SNTG1: variants seen among roughly 807,000 people sequenced by gnomAD.
SNTG1 encodes the protein gamma-1-syntrophin.
In SNTG1, 39 loss-of-function variants were observed where a neutral mutation model predicts 74.7. That is an observed-to-expected ratio of 0.52 (90% CI 0.40 to 0.68). The LOEUF (loss-of-function observed/expected upper bound fraction) is 0.68, where lower values mean the gene tolerates loss of function less well. SNTG1 is among the 30% of genes least tolerant of loss of function. SNTG1 has a pLI of 0.00. For synonymous variants in SNTG1, 254 were observed against 217.1 expected, an observed-to-expected ratio of 1.17 and a Z score of -1.49; for missense variants, 685 against 609.5, an observed-to-expected ratio of 1.12 and a Z score of -1.30.
At chr8:50,209,556 G>C (rs7817638) in intron 2 of SNTG1, among the ~76,000 whole-genome samples, 2 of 151,994 alleles carry the variant, frequency 1.3e-5, no homozygotes, top group Non-Finnish European at 2.9e-5. Context: ...AACATTTGCC[G>C]TTCTGCAAGA....
chr8:50,415,738 A>G (rs1009411832), intron 4 of SNTG1, among the ~76,000 whole-genome samples: 2 of 152,148 alleles, frequency 1.3e-5, no homozygotes, highest in Non-Finnish European at 2.9e-5. Flanking sequence ...TTTACTACAT[A>G]TGTGGAAACG....
intron 2 of SNTG1, among the ~76,000 whole-genome samples, chr8:50,219,217 T>A (rs1259340367): frequency 6.6e-6 from 1 of 152,176 alleles, no homozygotes; most frequent in Non-Finnish European, 1.5e-5. Flanking sequence ...CTACTTCTAA[T>A]GCCAAAAGAC....
chr8:50,007,907 GCACCTA>G (rs1303797183), intron 1 of SNTG1, among the ~76,000 whole-genome samples: 1 of 152,150 alleles, frequency 6.6e-6, no homozygotes, highest in East Asian at 1.9e-4. Context: ...GGAGAAGTAA[GCACCTA>G]CTTCACAAGG....
chr8:50,777,660 G>T (rs1188370346), intron 18 of SNTG1, among the ~76,000 whole-genome samples: 1 of 151,038 alleles, frequency 6.6e-6, no homozygotes, highest in Non-Finnish European at 1.5e-5. Flanking sequence ...CATTCAGTGT[G>T]AGTTTTCTTT....
intron 2 of SNTG1, among the ~76,000 whole-genome samples, chr8:50,365,771 C>T (rs539448092): frequency 6.6e-6 from 1 of 152,152 alleles, no homozygotes; most frequent in South Asian, 2.1e-4. Context: ...ACTCTTATAA[C>T]CACAAATTAC....
At chr8:50,139,568 A>G (rs1353152572) in intron 1 of SNTG1, among the ~76,000 whole-genome samples, 7 of 152,216 alleles carry the variant, frequency 4.6e-5, no homozygotes, top group Non-Finnish European at 8.8e-5. Context: ...AATAACTCCA[A>G]CTATTTTATT....
At chr8:49,959,500 A>G (rs1810490026) in intron 1 of SNTG1, among the ~76,000 whole-genome samples, 1 of 152,208 alleles carries the variant, frequency 6.6e-6, no homozygotes, top group South Asian at 2.1e-4. Flanking sequence ...CTGTCTGTAT[A>G]GATTTGCCTA....
intron 17 of SNTG1, among the ~76,000 whole-genome samples, chr8:50,711,620 G>A (rs922232526): frequency 1.3e-5 from 2 of 152,160 alleles, no homozygotes; most frequent in African/African-American, 4.8e-5. Flanking sequence ...TTTGGATATA[G>A]AGGGATGTCT....
chr8:50,616,834 T>C (rs528719525), intron 13 of SNTG1, among the ~76,000 whole-genome samples: 6 of 152,316 alleles, frequency 3.9e-5, no homozygotes, highest in Admixed American at 3.3e-4. Flanking sequence ...TACCCTGCCT[T>C]CTGCATATCA....
chr8:50,711,905 G>A (rs1292020292), intron 17 of SNTG1, among the ~76,000 whole-genome samples: 1 of 151,760 alleles, frequency 6.6e-6, no homozygotes, highest in Non-Finnish European at 1.5e-5. Flanking sequence ...GTTAGAGAAG[G>A]GTATTATTAT....
intron 1 of SNTG1, among the ~76,000 whole-genome samples, chr8:50,122,345 C>T (rs10110244): frequency 0.011 from 1,515 of 141,736 alleles, 197 homozygotes; most frequent in African/African-American, 0.037. Context: ...AGAGGGGATG[C>T]AGCTGGGAGA....
chr8:50,782,200 G>C (rs1368546163), intron 18 of SNTG1, among the ~76,000 whole-genome samples: 1 of 152,020 alleles, frequency 6.6e-6, no homozygotes, highest in Non-Finnish European at 1.5e-5. Context: ...TGCTCTTCTC[G>C]AGAAGTATCT....
At chr8:50,485,917 T>C (rs1208995008) in intron 8 of SNTG1, among the ~76,000 whole-genome samples, 1 of 151,132 alleles carries the variant, frequency 6.6e-6, no homozygotes, top group Non-Finnish European at 1.5e-5. Flanking sequence ...GCACCATTTA[T>C]TAAATAGGGA....
intron 1 of SNTG1, among the ~76,000 whole-genome samples, chr8:49,977,902 T>C (rs1369977816): frequency 6.6e-6 from 1 of 152,216 alleles, no homozygotes; most frequent in Non-Finnish European, 1.5e-5. Flanking sequence ...CGGTCTTCAG[T>C]TGGCTTCCCA....
intron 2 of SNTG1, among the ~76,000 whole-genome samples, chr8:50,261,672 A>T (rs1280682120): frequency 1.3e-5 from 2 of 152,108 alleles, no homozygotes; most frequent in Non-Finnish European, 2.9e-5. Context: ...AGGTACTTGC[A>T]CTCTCTGAAA....
In SNTG1 at chr8:50,234,857, C is replaced by T. The variant is rs538895545; in HGVS notation, c.-28+62222C>T. 1.8e-3 allele frequency among the ~76,000 whole-genome samples: 270 copies of T among 151,874 alleles called. 1 individual carries two copies. Among genetic ancestry groups the T allele is most frequent in the Non-Finnish European group, 1.8e-3 (125 of 67,904 alleles). On this transcript the variant is annotated intron_variant, in intron 2 of 18. Coordinates refer to ENST00000642720, the MANE Select transcript of SNTG1 (RefSeq NM_018967.5). ...GATAGATCATATCAGAATCTTTTTG[C>T]TAGAATAAGAAAAGGAGGACAACAG...
intron 18 of SNTG1, among the ~76,000 whole-genome samples, chr8:50,768,469 G>T (rs1442723661): frequency 6.6e-6 from 1 of 151,994 alleles, no homozygotes; most frequent in East Asian, 1.9e-4. Context: ...GAAGAAGATG[G>T]CTGGTAATCT....
chr8:50,310,120 C>A (rs1371095030), intron 2 of SNTG1, among the ~76,000 whole-genome samples: 1 of 152,134 alleles, frequency 6.6e-6, no homozygotes, highest in Non-Finnish European at 1.5e-5. Context: ...TTAAAATGAC[C>A]ATTGTCCTTC....
chr8:50,633,828 T>G (rs891314254), intron 13 of SNTG1, among the ~76,000 whole-genome samples: 2 of 152,144 alleles, frequency 1.3e-5, no homozygotes, highest in African/African-American at 2.4e-5. Context: ...GTGTTCACAG[T>G]GTAGGAGAGG....
Sources: allele counts gnomAD v4.1 joint callset (sites outside exome capture counted in the v4.1 genomes callset), GRCh38; gene constraint gnomAD v4.1.1; transcripts MANE v1.5; gene names NCBI Gene and HGNC (gene_info 2026-07-23, HGNC 2026-07-21).